The following SLCO4C1 variants were observed in gnomAD, a reference collection of about 807,000 sequenced individuals.
The protein encoded by SLCO4C1 is solute carrier organic anion transporter family member 4C1, also known as organic anion transporter M1.
SLCO4C1 carries 58 observed loss-of-function variants against 72.1 expected under a neutral mutation model. The ratio of observed to expected loss-of-function variants is 0.80; its 90% CI spans 0.65 to 1.00. The LOEUF is 1.00. SLCO4C1 is among the 50% of genes least tolerant of loss of function. The pLI is 0.00. For synonymous variants in SLCO4C1, 297 were observed against 312.5 expected, an observed-to-expected ratio of 0.95 and a Z score of 0.52; for missense variants, 898 against 857.9, an observed-to-expected ratio of 1.05 and a Z score of -0.58.
chr5:102,287,597 T>C (rs932921797), intron 2 of SLCO4C1, among the ~76,000 whole-genome samples: 2 of 143,006 alleles, frequency 1.4e-5, no homozygotes. Flanking sequence ...CTGGATGGAG[T>C]GCAATGGTAC....
intron 1 of SLCO4C1, among the ~76,000 whole-genome samples, chr5:102,293,254 A>G (rs1389710710): frequency 6.6e-6 from 1 of 152,172 alleles, no homozygotes; most frequent in Non-Finnish European, 1.5e-5. Context: ...TCCGCATCCA[A>G]TAAAATCAAC....
In SLCO4C1 at chr5:102,295,022, C is replaced by T. The variant is rs576520645; in HGVS notation, c.355+886G>A. Among the ~76,000 whole-genome samples, 7 of 152,326 alleles carry T rather than the reference C, an allele frequency of 4.6e-5. No homozygotes were observed. In the East Asian group the frequency reaches 1.2e-3, roughly 25 times the overall value. ...TTCAGCTAAGCTTCGGCATGTCCTT[C>T]TTGACTCCTCTCCACCTCTTCTCCA... is the stretch of plus-strand genomic sequence containing the variant. On this transcript the variant is annotated intron_variant, in intron 1 of 12. Transcript: ENST00000310954.
At chr5:102,254,651 T>G (rs1396708492) in intron 8 of SLCO4C1, among the ~76,000 whole-genome samples, 1 of 152,126 alleles carries the variant, frequency 6.6e-6, no homozygotes, top group Non-Finnish European at 1.5e-5. Context: ...AGCAAAAAAA[T>G]TACAACTTGC....
chr5:102,265,722 A>G (rs992220027), intron 3 of SLCO4C1, among the ~76,000 whole-genome samples: 2 of 152,296 alleles, frequency 1.3e-5, no homozygotes, highest in South Asian at 4.1e-4. Flanking sequence ...GCTTTGTTGT[A>G]TAATTTGAAA....
intron 2 of SLCO4C1, among the ~76,000 whole-genome samples, chr5:102,278,387 A>G (rs978615343): frequency 1.3e-5 from 2 of 152,186 alleles, no homozygotes; most frequent in African/African-American, 4.8e-5. Context: ...ACAAACCCAC[A>G]ATTACAATAA....
chr5:102,247,500 A>C, intron 9 of SLCO4C1, 58 bp from the exon 10 acceptor site: 2 of 1,205,486 alleles, frequency 1.7e-6, no homozygotes, highest in Non-Finnish European at 2.3e-6. Flanking sequence ...AAATTATTGT[A>C]AATTAGGTAT....
intron 8 of SLCO4C1, among the ~76,000 whole-genome samples, chr5:102,255,800 C>T (rs1215141183): frequency 6.6e-6 from 1 of 151,990 alleles, no homozygotes; most frequent in East Asian, 1.9e-4. Context: ...TTTAATCTCC[C>T]ATTACCTAAT....
At chr5:102,261,885 C>T (rs1748950288) in intron 5 of SLCO4C1, 27 bp downstream of exon 5, 2 of 1,592,600 alleles carry the variant, frequency 1.3e-6, no homozygotes, top group South Asian at 2.3e-5. Flanking sequence ...AAATAAACCT[C>T]TCTGGTTTTA....
intron 2 of SLCO4C1, among the ~76,000 whole-genome samples, chr5:102,288,269 A>C (rs1453412942): frequency 6.6e-6 from 1 of 152,168 alleles, no homozygotes; most frequent in East Asian, 1.9e-4. Context: ...TCCAAACCCG[A>C]ATTCTTAATT....
intron 2 of SLCO4C1, among the ~76,000 whole-genome samples, chr5:102,283,792 A>G (rs1396914415): frequency 1.3e-5 from 2 of 152,072 alleles, no homozygotes; most frequent in African/African-American, 2.4e-5. Context: ...GAAGACAGTA[A>G]GAGTAGGTAA....
At chr5:102,242,778 G>A (rs910082735) in intron 10 of SLCO4C1, among the ~76,000 whole-genome samples, 1 of 152,152 alleles carries the variant, frequency 6.6e-6, no homozygotes, top group Non-Finnish European at 1.5e-5. Context: ...CACATTACCA[G>A]CTTGGTGGCT....
At chr5:102,258,186 T>A (rs770862481) in intron 6 of SLCO4C1, 99 bp from the exon 7 acceptor site, 492 of 980,974 alleles carry the variant, frequency 5.0e-4, no homozygotes, top group Non-Finnish European at 6.6e-4. Context: ...AATTTTACAA[T>A]CATCTGTAAA....
At chr5:102,271,191 T>C (rs1326777756) in intron 2 of SLCO4C1, among the ~76,000 whole-genome samples, 1 of 152,100 alleles carries the variant, frequency 6.6e-6, no homozygotes, top group African/African-American at 2.4e-5. Context: ...ACTTATTATG[T>C]CCCGGACGTC....
At chr5:102,273,397 G>T (rs570101172) in intron 2 of SLCO4C1, among the ~76,000 whole-genome samples, 2 of 152,118 alleles carry the variant, frequency 1.3e-5, no homozygotes, top group East Asian at 3.8e-4. Flanking sequence ...ATATTCCCTT[G>T]TAAAGTCTGT....
At chr5:102,251,458 C>T (rs1748737585) in intron 8 of SLCO4C1, among the ~76,000 whole-genome samples, 1 of 152,014 alleles carries the variant, frequency 6.6e-6, no homozygotes, top group South Asian at 2.1e-4. Context: ...ATGACTCTTC[C>T]TGTTAAAAAT....
At chr5:102,239,105 T>C (rs1748489827) in intron 12 of SLCO4C1, 146 bp downstream of exon 12, 1 of 593,148 alleles carries the variant, frequency 1.7e-6, no homozygotes, top group South Asian at 4.3e-5. Context: ...GTGATAAATG[T>C]TCTCTGCTTC....
chr5:102,282,192 C>A (rs956010625), intron 2 of SLCO4C1, among the ~76,000 whole-genome samples: 1 of 151,844 alleles, frequency 6.6e-6, no homozygotes, highest in Non-Finnish European at 1.5e-5. Flanking sequence ...ATAGTAAAAC[C>A]TTTAAACATA....
intron 2 of SLCO4C1, among the ~76,000 whole-genome samples, chr5:102,286,374 A>C (rs886912325): frequency 6.6e-6 from 1 of 152,142 alleles, no homozygotes; most frequent in Non-Finnish European, 1.5e-5. Context: ...AGACATAAAG[A>C]TTATTTTGCA....
Position 102,236,604 on chromosome 5 carries a change from T to C in SLCO4C1, c.*254A>G, listed in dbSNP as rs148402077. ...TGCGTGTGTGTGTGTGTGTGTGTGT[T>C]CGTGTGTGTGTGTGTGTGTGTGCTC... On this transcript the variant is annotated 3_prime_UTR_variant, in exon 13 of 13. Coordinates refer to ENST00000310954, the MANE Select transcript of SLCO4C1 (RefSeq NM_180991.5). 1 of 299,200 alleles carries C rather than the reference T, an allele frequency of 3.3e-6. No individual in the cohort carries two copies. The highest frequency in any genetic ancestry group is 5.9e-6 in the Non-Finnish European group (1 of 170,294). The allele number at this position is 299,200 out of a possible 1,614,324, so 18.5% of individuals were successfully genotyped here.
Sources: gnomAD v4.1 joint callset for allele counts (sites outside exome capture counted in the v4.1 genomes callset) on GRCh38, gnomAD v4.1.1 for gene constraint, MANE v1.5 for transcripts, NCBI Gene and HGNC (gene_info 2026-07-23, HGNC 2026-07-21) for gene names.